Variants in MYO3B observed in about 807,000 individuals in gnomAD.
The protein encoded by MYO3B is myosin IIIB.
A neutral mutation model predicts 174.6 loss-of-function variants in MYO3B; 156 were observed. The ratio of observed to expected loss-of-function variants is 0.89; its 90% CI spans 0.78 to 1.02. MYO3B has a LOEUF of 1.02. Among genes scored for constraint, MYO3B ranks in the 50% least tolerant of loss-of-function variants. The pLI, the probability that MYO3B is intolerant of heterozygous loss-of-function variation, is 0.00. For missense variants in MYO3B, 1,632 were observed against 1,639.4 expected, an observed-to-expected ratio of 1.00 and a Z score of 0.08; for synonymous variants, 563 against 569.1, an observed-to-expected ratio of 0.99 and a Z score of 0.15.
At chr2:170,389,788 C>T (rs2094399452) in intron 14 of MYO3B, among the ~76,000 whole-genome samples, 1 of 152,128 alleles carries the variant, frequency 6.6e-6, no homozygotes, top group Non-Finnish European at 1.5e-5. Context: ...CTCTAGGTTT[C>T]TTTCCGTCAC....
chr2:170,621,823 A>G (rs1695944481), intron 32 of MYO3B, among the ~76,000 whole-genome samples: 1 of 152,132 alleles, frequency 6.6e-6, no homozygotes, highest in African/African-American at 2.4e-5. Flanking sequence ...ATGCCCGGCT[A>G]GAAATGACCT....
At chr2:170,632,073 A>C (rs1697037437) in intron 32 of MYO3B, among the ~76,000 whole-genome samples, 1 of 152,182 alleles carries the variant, frequency 6.6e-6, no homozygotes, top group South Asian at 2.1e-4. Flanking sequence ...TATTAGATCA[A>C]CGAGACAGAA....
intron 22 of MYO3B, 109 bp from the exon 23 acceptor site, chr2:170,443,858 G>A (rs900284460): frequency 5.3e-6 from 4 of 756,766 alleles, no homozygotes; most frequent in African/African-American, 1.8e-5. Context: ...ATTCAGAGCA[G>A]ATTGTTTTGA....
intron 8 of MYO3B, among the ~76,000 whole-genome samples, chr2:170,365,303 A>T (rs559065556): frequency 6.6e-6 from 1 of 152,208 alleles, no homozygotes; most frequent in East Asian, 1.9e-4. Flanking sequence ...TGGCTCTGAA[A>T]CCCTATGCTT....
chr2:170,362,508 G>A (rs778600817), intron 8 of MYO3B, among the ~76,000 whole-genome samples: 2 of 152,120 alleles, frequency 1.3e-5, no homozygotes, highest in African/African-American at 2.4e-5. Context: ...CTCTATTCCC[G>A]TTACTCATTT....
chr2:170,330,762 G>A (rs1340241031), intron 7 of MYO3B, among the ~76,000 whole-genome samples: 2 of 152,142 alleles, frequency 1.3e-5, no homozygotes, highest in Non-Finnish European at 1.5e-5. Context: ...AAAAGTAGAG[G>A]AATGAGGCTT....
At chr2:170,470,990 C>CT (rs528684999) in intron 25 of MYO3B, among the ~76,000 whole-genome samples, 57 of 142,898 alleles carry the variant, frequency 4.0e-4, no homozygotes, top group South Asian at 4.5e-4. Context: ...CTCTCTCTCT[C>CT]TTTTTTTTTT....
At chr2:170,633,712 A>G (rs924738858) in intron 32 of MYO3B, among the ~76,000 whole-genome samples, 7 of 152,224 alleles carry the variant, frequency 4.6e-5, no homozygotes, top group African/African-American at 1.7e-4. Flanking sequence ...TATATTTAGA[A>G]AACCCCATTG....
intron 7 of MYO3B, among the ~76,000 whole-genome samples, chr2:170,315,279 T>C (rs1450831741): frequency 6.6e-6 from 1 of 152,018 alleles, no homozygotes; most frequent in Non-Finnish European, 1.5e-5. Context: ...ATCTGGAGAA[T>C]TAGTGACAGT....
At chr2:170,439,884 G>T (rs1384461357) in intron 22 of MYO3B, among the ~76,000 whole-genome samples, 1 of 152,104 alleles carries the variant, frequency 6.6e-6, no homozygotes, top group Non-Finnish European at 1.5e-5. Context: ...GTTTCACCAT[G>T]TTAGCCAGGA....
At chr2:170,500,517 A>G (rs1687195137) in intron 27 of MYO3B, among the ~76,000 whole-genome samples, 1 of 152,192 alleles carries the variant, frequency 6.6e-6, no homozygotes, top group Admixed American at 6.5e-5. Flanking sequence ...CCTTCCCTGC[A>G]TTTGCTGCTA....
At chr2:170,422,777 A>T (rs981212006) in intron 22 of MYO3B, among the ~76,000 whole-genome samples, 1 of 151,980 alleles carries the variant, frequency 6.6e-6, no homozygotes, top group Non-Finnish European at 1.5e-5. Flanking sequence ...TTAATTAGCC[A>T]CATTTTAAAA....
intron 8 of MYO3B, chr2:170,351,060 G>A (rs1256067874): frequency 1.3e-5 from 2 of 152,000 alleles, no homozygotes; most frequent in Non-Finnish European, 2.9e-5. Context: ...GGAAGGGAAG[G>A]CAGGGAGGGA....
chr2:170,295,291 A>T (rs1490734730), intron 7 of MYO3B, among the ~76,000 whole-genome samples: 1 of 151,914 alleles, frequency 6.6e-6, no homozygotes, highest in Non-Finnish European at 1.5e-5. Context: ...GGATTCATTT[A>T]TACCATTTAA....
intron 32 of MYO3B, among the ~76,000 whole-genome samples, chr2:170,614,327 T>TG (rs1695311340): frequency 6.6e-6 from 1 of 152,226 alleles, no homozygotes; most frequent in Non-Finnish European, 1.5e-5. Context: ...CAAAGCACAC[T>TG]ACTCAACACA....
intron 6 of MYO3B, among the ~76,000 whole-genome samples, chr2:170,228,976 A>T (rs1283037580): frequency 1.3e-5 from 2 of 151,778 alleles, no homozygotes; most frequent in Non-Finnish European, 2.9e-5. Context: ...AAAAAAAAAA[A>T]AAAAACAACG....
chr2:170,335,244 C>G, intron 7 of MYO3B, 141 bp from the exon 8 acceptor site: 1 of 665,354 alleles, frequency 1.5e-6, no homozygotes, highest in South Asian at 2.0e-5. Flanking sequence ...ACTTTATAAT[C>G]TACCACTAAA....
At chr2:170,440,457 G>A (rs2094791089) in intron 22 of MYO3B, among the ~76,000 whole-genome samples, 1 of 152,068 alleles carries the variant, frequency 6.6e-6, no homozygotes, top group Non-Finnish European at 1.5e-5. Flanking sequence ...ATTTCTCCCA[G>A]CAATGTTTTG....
intron 30 of MYO3B, among the ~76,000 whole-genome samples, chr2:170,520,252 A>G (rs1575109565): frequency 6.6e-6 from 1 of 152,126 alleles, no homozygotes; most frequent in Non-Finnish European, 1.5e-5. Flanking sequence ...GCCTCCCCGC[A>G]GCAAAGAATT....
Sources: gnomAD v4.1 joint callset for allele counts (sites outside exome capture counted in the v4.1 genomes callset) on GRCh38, gnomAD v4.1.1 for gene constraint, MANE v1.5 for transcripts, NCBI Gene and HGNC (gene_info 2026-07-23, HGNC 2026-07-21) for gene names.